CREBBP: variants seen among roughly 807,000 people sequenced by gnomAD.
CREBBP encodes CREB-binding protein.
In CREBBP, 19 loss-of-function variants were observed where a neutral mutation model predicts 265.0. The ratio of observed to expected loss-of-function variants is 0.07; its 90% CI spans 0.05 to 0.11. The LOEUF is 0.11. CREBBP is among the 10% of genes least tolerant of loss of function. The pLI, the probability that CREBBP is intolerant of heterozygous loss-of-function variation, is 1.00. For synonymous variants in CREBBP, 1,457 were observed against 1,223.7 expected (o/e 1.19, Z -3.98); for missense variants, 2,525 against 3,219.0 (o/e 0.78, Z 5.22).
chr16:3,799,882 C>T (rs190389291), intron 3 of CREBBP, among the ~76,000 whole-genome samples: 1 of 152,270 alleles, frequency 6.6e-6, no homozygotes, highest in East Asian at 1.9e-4. Flanking sequence ...GACCTTTATG[C>T]TTTAACAAAA....
rs566740337 is a variant in CREBBP, at chr16:3,761,661, G to A, written c.3251-2689C>T. 3.0e-5 allele frequency: 15 copies of A among 499,932 alleles called. No individual in the cohort carries two copies. In the East Asian group the frequency reaches 8.6e-4, roughly 29 times the overall value. The allele number at this position is 499,932 out of a possible 1,614,324, so 31.0% of individuals were successfully genotyped here. The stretch of plus-strand genomic sequence containing the variant: ...AGCAGCCTGAGGTCCGGGCAACCAG[G>A]TAAAAACCCCGACGCAGCACTCCCC... On this transcript the variant is annotated intron_variant, in intron 16 of 30. Transcript: ENST00000262367.
Position 3,739,175 on chromosome 16 carries a change from C to T in CREBBP, c.4280+403G>A, listed in dbSNP as rs1038577848. Among the ~76,000 whole-genome samples the T allele has an allele frequency of 1.7e-4, 26 of 152,334 alleles. 1 individual carries two copies. The highest frequency in any genetic ancestry group is 3.1e-4 in the Non-Finnish European group (21 of 68,030). On this transcript the variant is annotated intron_variant, in intron 25 of 30. Transcript: ENST00000262367. ...TCACTGAACAAAAGGATGAATGGCA[C>T]CACTCGGCACAGAGAGCCACAGTTA...
chr16:3,863,477 C>T (rs527446169), intron 1 of CREBBP, among the ~76,000 whole-genome samples: 1 of 152,160 alleles, frequency 6.6e-6, no homozygotes, highest in South Asian at 2.1e-4. Flanking sequence ...GTGGTGGGTG[C>T]CTGTAATCCT....
intron 2 of CREBBP, among the ~76,000 whole-genome samples, chr16:3,844,902 TAAAG>T (rs1291619621): frequency 1.3e-5 from 2 of 152,106 alleles, no homozygotes; most frequent in East Asian, 1.9e-4. Context: ...ATTACACAGA[TAAAG>T]AAAACCATAC....
chr16:3,849,430 T>TGTGTGTGTG lies in CREBBP; in HGVS notation c.798+858_798+866dup, dbSNP rs2054752273. On this transcript the variant is annotated intron_variant, in intron 2 of 30. Coordinates refer to ENST00000262367, the MANE Select transcript of CREBBP (RefSeq NM_004380.3). Reference sequence around the variant, plus strand: ...GTGTGTGTGTGTGTGTGTGTGTGTGTGTGTGTGTGTGTGTGTGTGTGTGTG... The same window carrying TGTGTGTGTG: ...GTGTGTGTGTGTGTGTGTGTGTGTGTGTGTGTGTGGTGTGTGTGTGTGTGTGTGTGTGTG... Among the ~76,000 whole-genome samples, 12 of 8,576 alleles carry TGTGTGTGTG rather than the reference T, an allele frequency of 1.4e-3. 1 individual carries two copies. Among genetic ancestry groups the TGTGTGTGTG allele is most frequent in the South Asian group, 0.018 (2 of 110 alleles). 5.6% of individuals were successfully genotyped at this position (8,576 alleles called of 152,430 possible). A position where few individuals can be genotyped will look rare whatever the true frequency, so the allele number is the denominator to read the frequency against.
At position 3,769,252 on chromosome 16, in the gene CREBBP, C is replaced by G. The variant is rs2141191251; in HGVS notation, c.2982G>C (p.Val994=). The G allele has an allele frequency of 6.2e-7, 1 of 1,614,194 alleles. No homozygotes were observed. Among genetic ancestry groups the G allele is most frequent in the Non-Finnish European group, 8.5e-7 (1 of 1,180,042 alleles). Residue 994 remains valine, a synonymous_variant, in exon 15 of 31, where the codon GTG becomes GTC. Coordinates refer to ENST00000262367, the MANE Select transcript of CREBBP (RefSeq NM_004380.3). The stretch of plus-strand genomic sequence containing the variant: ...CTTGGGTCTCCGTCTTCATTTCCAG[C>G]ACAGGTACGTCAGGTCCTGGCTGCT... ...NSQQPGPDVP[V]LEMKTETQAE...
intron 1 of CREBBP, among the ~76,000 whole-genome samples, chr16:3,870,111 AATT>A (rs1444301530): frequency 6.6e-6 from 1 of 152,182 alleles, no homozygotes; most frequent in Non-Finnish European, 1.5e-5. Context: ...ATCGGGGAAA[AATT>A]TTGTCCACCA....
rs1225386297 is a variant in CREBBP, at chr16:3,731,451, T to A, written c.4913A>T (p.His1638Leu). 6.3e-7 allele frequency: 1 copy of A among 1,594,044 alleles called. No individual in the cohort carries two copies. The change falls in exon 30 of 31, where the codon CAC (histidine) becomes CTC (leucine). Residue 1638 changes from histidine to leucine, a missense_variant. Physicochemically the swap from His to Leu is moderately conservative, Grantham distance 99. Coordinates refer to ENST00000262367, the MANE Select transcript of CREBBP (RefSeq NM_004380.3). This position sits in a 1 kb window ranked among gnomAD's most constrained non-coding sequence, Gnocchi z 7.7. Reference protein sequence around the residue: ...HKEVFFVIHLHAGPVINTLPP... With the variant: ...HKEVFFVIHLLAGPVINTLPP... ...CAGGGTGTTGATGACAGGCCCAGCG[T>A]GCAGGTGGATCACGAAGAAGACCTG... is the stretch of plus-strand genomic sequence containing the variant.
intron 23 of CREBBP, chr16:3,741,167 C>T (rs1349077733): frequency 2.4e-5 from 4 of 169,210 alleles, no homozygotes; most frequent in Non-Finnish European, 5.2e-5. Context: ...CCCCTCCTCA[C>T]CCAGGGCCAG....
chr16:3,737,405 C>A (rs148238017), intron 26 of CREBBP, among the ~76,000 whole-genome samples: 1 of 151,412 alleles, frequency 6.6e-6, no homozygotes, highest in African/African-American at 2.4e-5. Flanking sequence ...TCGCCTGGGG[C>A]AGGGAAGGTT....
At chr16:3,820,810 T>C (rs2054127709) in intron 2 of CREBBP, among the ~76,000 whole-genome samples, 1 of 152,160 alleles carries the variant, frequency 6.6e-6, no homozygotes, top group Admixed American at 6.5e-5. Context: ...TAGTGATCCA[T>C]AATTGAGCCA....
At chr16:3,846,289 C>T (rs1431797213) in intron 2 of CREBBP, among the ~76,000 whole-genome samples, 1 of 152,140 alleles carries the variant, frequency 6.6e-6, no homozygotes, top group East Asian at 1.9e-4. Flanking sequence ...AACAGAATGT[C>T]AAGTAAGTAA....
chr16:3,859,222 T>G (rs2055023828), intron 1 of CREBBP, among the ~76,000 whole-genome samples: 1 of 152,144 alleles, frequency 6.6e-6, no homozygotes, highest in African/African-American at 2.4e-5. Flanking sequence ...TATTTTTTTT[T>G]GGCTCTGTCG....
At chr16:3,862,543 T>C (rs2055098752) in intron 1 of CREBBP, among the ~76,000 whole-genome samples, 2 of 152,222 alleles carry the variant, frequency 1.3e-5, no homozygotes, top group South Asian at 4.1e-4. Context: ...TGGGTTTTCT[T>C]GTTTTCCTGT....
rs750906981 is a variant in CREBBP, at chr16:3,770,591, G to A, written c.2859C>T (p.His953=). The A allele has an allele frequency of 1.5e-5, 24 of 1,613,360 alleles. No homozygotes were observed. Among genetic ancestry groups the A allele is most frequent in the South Asian group, 3.3e-5 (3 of 91,054 alleles). ...TTACCGGTGTGCCAGGAGGCTGGGC[G>A]TGCACAGGCGTCGGCTGTTGCTGCG... is the stretch of plus-strand genomic sequence containing the variant. ...QSSQQQPTPV[H]AQPPGTPLSQ... is the part of the protein sequence containing the mutation. The change falls in exon 14 of 31, where the codon CAC becomes CAT. Residue 953 remains histidine (H), a synonymous_variant. Transcript: ENST00000262367.
intron 5 of CREBBP, 45 bp from the exon 6 acceptor site, chr16:3,782,971 A>C: frequency 6.2e-7 from 1 of 1,613,654 alleles, no homozygotes; most frequent in Non-Finnish European, 8.5e-7. Context: ...GAGGTAAGTA[A>C]AAGGGAGAAG....
intron 5 of CREBBP, among the ~76,000 whole-genome samples, chr16:3,786,064 C>T (rs577852661): frequency 1.6e-4 from 24 of 152,202 alleles, no homozygotes; most frequent in Non-Finnish European, 3.1e-4. Flanking sequence ...ACTAAGAGGC[C>T]GGGTACGGCC....
chr16:3,874,936 C>T (rs2239318), intron 1 of CREBBP, among the ~76,000 whole-genome samples: 11,448 of 152,298 alleles, frequency 0.075, 607 homozygotes, highest in East Asian at 0.25. Flanking sequence ...CAATAAGGTA[C>T]ATTTCATCTT....
intron 1 of CREBBP, among the ~76,000 whole-genome samples, chr16:3,852,784 G>A (rs949028753): frequency 5.9e-5 from 9 of 152,030 alleles, no homozygotes; most frequent in African/African-American, 2.2e-4. Context: ...AAACAAATGG[G>A]AACTAAAACA....
Sources: gnomAD v4.1 joint callset for allele counts (sites outside exome capture counted in the v4.1 genomes callset) on GRCh38, gnomAD v4.1.1 for gene constraint, Gnocchi (gnomAD v3.1) non-coding constraint, MANE v1.5 for transcripts, NCBI Gene and HGNC (gene_info 2026-07-23, HGNC 2026-07-21) for gene names.